The following AFG2A variants were observed in gnomAD, a reference collection of about 807,000 sequenced individuals.
The protein encoded by AFG2A is AAA ATPase AFG2A, also known as ATPase family gene 2 protein homolog A.
the AFG2A span, among the ~76,000 whole-genome samples, chr4:123,181,956 T>C: frequency 6.6e-6 from 1 of 152,216 alleles, no homozygotes; most frequent in Admixed American, 6.5e-5. Flanking sequence ...GAGGTCAAGC[T>C]ATATGGCATG....
At chr4:122,934,485 A>G in the AFG2A span, 2 of 1,614,246 alleles carry the variant, frequency 1.2e-6, no homozygotes, top group Non-Finnish European at 1.7e-6. Context: ...CTGCCAGAGA[A>G]GGAAATGAGC....
the AFG2A span, among the ~76,000 whole-genome samples, chr4:123,211,484 C>T: frequency 3.3e-5 from 5 of 152,096 alleles, no homozygotes; most frequent in African/African-American, 1.2e-4. Context: ...ATATACCACC[C>T]AGTGAAGCAG....
the AFG2A span, among the ~76,000 whole-genome samples, chr4:123,026,616 G>A: frequency 6.6e-6 from 1 of 152,140 alleles, no homozygotes; most frequent in Admixed American, 6.5e-5. Flanking sequence ...TTTTAAATTT[G>A]TACTGTACTT....
the AFG2A span, among the ~76,000 whole-genome samples, chr4:123,140,139 A>C: frequency 6.6e-6 from 1 of 152,120 alleles, no homozygotes; most frequent in African/African-American, 2.4e-5. Context: ...TGATATGTAA[A>C]GTAAACAAAC....
chr4:122,991,305 C>G, the AFG2A span, among the ~76,000 whole-genome samples: 1 of 152,158 alleles, frequency 6.6e-6, no homozygotes, highest in Non-Finnish European at 1.5e-5. Context: ...GTGCTTGAGG[C>G]TTGCCTTCCC....
the AFG2A span, among the ~76,000 whole-genome samples, chr4:123,025,886 G>A: frequency 6.6e-6 from 1 of 152,114 alleles, no homozygotes; most frequent in Non-Finnish European, 1.5e-5. Flanking sequence ...ATTAAAGCAT[G>A]TTACTTGACC....
the AFG2A span, among the ~76,000 whole-genome samples, chr4:123,135,235 T>C: frequency 0.012 from 1,801 of 147,602 alleles, 42 homozygotes; most frequent in African/African-American, 0.041. Flanking sequence ...ATCTAACAAA[T>C]TAGGTACAGA....
chr4:122,978,676 T>C, the AFG2A span, among the ~76,000 whole-genome samples: 1 of 152,168 alleles, frequency 6.6e-6, no homozygotes. Flanking sequence ...CTGTTCATGC[T>C]GAGGGGCGCT....
the AFG2A span, among the ~76,000 whole-genome samples, chr4:123,199,721 C>T: frequency 3.3e-5 from 5 of 152,260 alleles, no homozygotes; most frequent in Non-Finnish European, 7.3e-5. Flanking sequence ...CTGCCCGCCT[C>T]AGGCTCCCAA....
chr4:123,291,379 T>A, the AFG2A span, among the ~76,000 whole-genome samples: 1 of 152,202 alleles, frequency 6.6e-6, no homozygotes, highest in African/African-American at 2.4e-5. Flanking sequence ...GTTATCTAGT[T>A]GTTTTGTTTT....
the AFG2A span, among the ~76,000 whole-genome samples, chr4:123,173,416 T>C: frequency 6.3e-3 from 817 of 130,462 alleles, 11 homozygotes; most frequent in African/African-American, 0.022. Context: ...AGTGCAATGG[T>C]GCAATCTCTG....
the AFG2A span, among the ~76,000 whole-genome samples, chr4:123,007,826 A>C: frequency 6.6e-6 from 1 of 151,542 alleles, no homozygotes; most frequent in African/African-American, 2.4e-5. Flanking sequence ...TAAGGTTTCC[A>C]TTGCTGTGAC....
the AFG2A span, chr4:122,934,417 G>T: frequency 6.2e-7 from 1 of 1,614,220 alleles, no homozygotes; most frequent in Non-Finnish European, 8.5e-7. Context: ...ACAGAGCCCT[G>T]GAGATGGCAG....
At chr4:123,309,511 A>G in the AFG2A span, among the ~76,000 whole-genome samples, 1 of 152,250 alleles carries the variant, frequency 6.6e-6, no homozygotes, top group African/African-American at 2.4e-5. Context: ...TTAAGTTTCA[A>G]CATATACATT....
the AFG2A span, among the ~76,000 whole-genome samples, chr4:123,106,017 A>G: frequency 6.6e-6 from 1 of 152,164 alleles, no homozygotes; most frequent in Non-Finnish European, 1.5e-5. Context: ...CTACAAAGAT[A>G]TCTTTCATGA....
chr4:122,992,538 T>G, the AFG2A span, among the ~76,000 whole-genome samples: 1 of 152,222 alleles, frequency 6.6e-6, no homozygotes, highest in African/African-American at 2.4e-5. Context: ...TATTTTGGTA[T>G]AGAAAACCTG....
At chr4:122,984,945 GGTA>G in the AFG2A span, among the ~76,000 whole-genome samples, 1 of 151,918 alleles carries the variant, frequency 6.6e-6, no homozygotes, top group Non-Finnish European at 1.5e-5. Context: ...TTCTGGTTTT[GGTA>G]GTAGGGTGAT....
At chr4:122,945,677 C>A in the AFG2A span, among the ~76,000 whole-genome samples, 1 of 152,204 alleles carries the variant, frequency 6.6e-6, no homozygotes, top group Non-Finnish European at 1.5e-5. Context: ...TTCTGGCACT[C>A]CCTAGTGAGA....
the AFG2A span, among the ~76,000 whole-genome samples, chr4:123,023,140 C>T: frequency 3.0e-3 from 456 of 150,858 alleles, no homozygotes; most frequent in Non-Finnish European, 5.1e-3. Context: ...ACATATGTAA[C>T]TAACCTGCAC....
Sources: gnomAD v4.1 joint callset for allele counts (sites outside exome capture counted in the v4.1 genomes callset) on GRCh38, gnomAD v4.1.1 for gene constraint, MANE v1.5 for transcripts, NCBI Gene and HGNC (gene_info 2026-07-23, HGNC 2026-07-21) for gene names.